Variants in GRIP1 observed in about 807,000 individuals in gnomAD.
GRIP1 encodes glutamate receptor-interacting protein 1.
A neutral mutation model predicts 129.9 loss-of-function variants in GRIP1; 45 were observed. The observed-to-expected ratio is 0.35, with a 90% confidence interval of 0.27 to 0.44. The LOEUF (loss-of-function observed/expected upper bound fraction) is 0.44. GRIP1 is among the 20% of genes least tolerant of loss of function. GRIP1 has a pLI of 1.00. For missense variants in GRIP1, 1,196 were observed against 1,396.8 expected (o/e 0.86, Z 2.29); for synonymous variants, 530 against 520.8 (o/e 1.02, Z -0.24).
upstream of GRIP1, among the ~76,000 whole-genome samples, chr12:66,808,176 T>C (rs2039033690): frequency 6.6e-6 from 1 of 152,124 alleles, no homozygotes; most frequent in South Asian, 2.1e-4. Flanking sequence ...TTGCACTCTA[T>C]AGTCTAAACT....
At chr12:66,649,521 C>T (rs556524894) in intron 1 of GRIP1, among the ~76,000 whole-genome samples, 9 of 152,262 alleles carry the variant, frequency 5.9e-5, no homozygotes, top group Non-Finnish European at 8.8e-5. Context: ...TATAGGGATA[C>T]AAAGATGGGC....
At chr12:66,456,787 T>C (rs931895981) in intron 9 of GRIP1, among the ~76,000 whole-genome samples, 4 of 152,164 alleles carry the variant, frequency 2.6e-5, no homozygotes, top group East Asian at 1.9e-4. Flanking sequence ...ATAAATCACG[T>C]TGGTGCATGA....
intron 2 of GRIP1, among the ~76,000 whole-genome samples, chr12:66,571,465 G>A (rs12309896): frequency 0.018 from 2,703 of 152,004 alleles, 76 homozygotes; most frequent in African/African-American, 0.062. Flanking sequence ...TCCTGAAAAT[G>A]TATTACTACT....
chr12:66,633,689 C>T (rs556008410), intron 1 of GRIP1, among the ~76,000 whole-genome samples: 5 of 152,252 alleles, frequency 3.3e-5, no homozygotes, highest in African/African-American at 1.2e-4. Context: ...ATTTCTTTAA[C>T]TATAAGTGAC....
chr12:66,696,201 T>C (rs1592751487), intron 1 of GRIP1, among the ~76,000 whole-genome samples: 1 of 152,182 alleles, frequency 6.6e-6, no homozygotes, highest in East Asian at 1.9e-4. Context: ...CTTTCACATC[T>C]CAAGAATGGT....
chr12:67,021,246 T>C (rs928286355), intron 1 of GRIP1, among the ~76,000 whole-genome samples: 14 of 152,204 alleles, frequency 9.2e-5, no homozygotes, highest in African/African-American at 3.4e-4. Context: ...CCTTATTTAC[T>C]TTTTGTTGGT....
At chr12:66,801,903 T>C (rs995221243) in intron 1 of GRIP1, among the ~76,000 whole-genome samples, 1 of 152,120 alleles carries the variant, frequency 6.6e-6, no homozygotes, top group Non-Finnish European at 1.5e-5. Context: ...GAGAAACACA[T>C]GGGGTATAAA....
At chr12:67,046,697 T>C (rs1217602870) in intron 1 of GRIP1, among the ~76,000 whole-genome samples, 1 of 152,164 alleles carries the variant, frequency 6.6e-6, no homozygotes, top group African/African-American at 2.4e-5. Context: ...CTTAAAAGAA[T>C]CTATCTAAAA....
chr12:66,730,730 T>C (rs2036410935), intron 1 of GRIP1, among the ~76,000 whole-genome samples: 2 of 141,852 alleles, frequency 1.4e-5, no homozygotes, highest in Middle Eastern at 4.3e-3. Flanking sequence ...AACTCATACA[T>C]GGTATTTCCC....
intron 16 of GRIP1, among the ~76,000 whole-genome samples, chr12:66,396,982 G>A (rs777282966): frequency 4.0e-5 from 6 of 151,716 alleles, no homozygotes; most frequent in African/African-American, 9.7e-5. Context: ...ATGGTGCCTC[G>A]TGCCTGTAGT....
At chr12:66,479,975 C>CA (rs1490500062) in intron 7 of GRIP1, among the ~76,000 whole-genome samples, 2 of 152,100 alleles carry the variant, frequency 1.3e-5, no homozygotes, top group African/African-American at 4.8e-5. Flanking sequence ...ACTGAATGGG[C>CA]AAAAATTGGA....
At chr12:66,601,542 G>A (rs953611227) in intron 1 of GRIP1, among the ~76,000 whole-genome samples, 2 of 152,166 alleles carry the variant, frequency 1.3e-5, no homozygotes, top group Admixed American at 6.5e-5. Context: ...CTTTGCTGAA[G>A]AAAGAAAATT....
At chr12:66,506,534 G>C (rs2060532105) in intron 7 of GRIP1, among the ~76,000 whole-genome samples, 1 of 152,162 alleles carries the variant, frequency 6.6e-6, no homozygotes, top group South Asian at 2.1e-4. Flanking sequence ...ACATGGGGAA[G>C]GGATGGGAGA....
At chr12:66,511,935 T>C (rs1271055499) in intron 7 of GRIP1, among the ~76,000 whole-genome samples, 2 of 152,182 alleles carry the variant, frequency 1.3e-5, no homozygotes, top group Non-Finnish European at 2.9e-5. Flanking sequence ...TGGAGGGACC[T>C]GGTGGGAGGT....
intron 1 of GRIP1, among the ~76,000 whole-genome samples, chr12:66,809,530 C>G (rs1050652880): frequency 1.3e-5 from 2 of 152,168 alleles, no homozygotes; most frequent in Non-Finnish European, 2.9e-5. Context: ...ACACTCTGTT[C>G]TCTGGCACTA....
At chr12:66,997,904 C>T (rs1162342514) in intron 1 of GRIP1, among the ~76,000 whole-genome samples, 1 of 152,018 alleles carries the variant, frequency 6.6e-6, no homozygotes, top group African/African-American at 2.4e-5. Flanking sequence ...TAAAAGAAAA[C>T]TTCCAAAACC....
intron 9 of GRIP1, among the ~76,000 whole-genome samples, chr12:66,458,033 A>T (rs1419831603): frequency 6.6e-6 from 1 of 152,230 alleles, no homozygotes; most frequent in Non-Finnish European, 1.5e-5. Context: ...CCAACAATAA[A>T]GTATCTTTTA....
At chr12:66,619,437 C>T (rs79876766) in intron 1 of GRIP1, among the ~76,000 whole-genome samples, 155 of 152,232 alleles carry the variant, frequency 1.0e-3, no homozygotes, top group African/African-American at 3.6e-3. Context: ...TTGCCCTCCA[C>T]AAATCAACCA....
intron 23 of GRIP1, among the ~76,000 whole-genome samples, chr12:66,369,190 C>T (rs2055329200): frequency 6.6e-6 from 1 of 152,082 alleles, no homozygotes; most frequent in African/African-American, 2.4e-5. Flanking sequence ...AAGAAGCATC[C>T]TACTTATAAG....
Sources: gnomAD v4.1 joint callset for allele counts (sites outside exome capture counted in the v4.1 genomes callset) on GRCh38, gnomAD v4.1.1 for gene constraint, MANE v1.5 for transcripts, NCBI Gene and HGNC (gene_info 2026-07-23, HGNC 2026-07-21) for gene names.